GBP2: variants seen among roughly 807,000 people sequenced by gnomAD.
GBP2 encodes the protein guanylate binding protein 2.
GBP2 carries 54 observed loss-of-function variants against 60.8 expected under a neutral mutation model. That is an observed-to-expected ratio of 0.89 (90% CI 0.71 to 1.11). The LOEUF (loss-of-function observed/expected upper bound fraction) is 1.11. Among genes scored for constraint, GBP2 ranks in the 50% most tolerant of loss-of-function variants. The pLI is 0.00. For synonymous variants in GBP2, 243 were observed against 256.5 expected (o/e 0.95, Z 0.50); for missense variants, 665 against 703.3 (o/e 0.95, Z 0.62).
At chr1:89,110,533 C>T (rs1175638821) in intron 8 of GBP2, among the ~76,000 whole-genome samples, 2 of 152,078 alleles carry the variant, frequency 1.3e-5, no homozygotes, top group African/African-American at 4.8e-5. Flanking sequence ...ACTACTCAGC[C>T]ATAAAAAGGA....
chr1:89,122,696 C>T (rs1266922382), intron 1 of GBP2, among the ~76,000 whole-genome samples: 3 of 152,112 alleles, frequency 2.0e-5, no homozygotes, highest in East Asian at 1.9e-4. Flanking sequence ...TTCTCTACCA[C>T]AAAGTGTTAT....
At position 89,115,587 on chromosome 1, in the gene GBP2, C is replaced by T. The variant is rs564368627; in HGVS notation, c.869-1291G>A. 5.3e-5 allele frequency among the ~76,000 whole-genome samples: 8 copies of T among 152,134 alleles called. No homozygotes were observed. In the East Asian group the frequency reaches 1.4e-3, roughly 26 times the overall value. On this transcript the variant is annotated intron_variant, in intron 6 of 10. Coordinates refer to ENST00000370466, the MANE Select transcript of GBP2 (RefSeq NM_004120.5). Reference sequence around the variant, plus strand: ...TTCAGTCTTCTCTTGTTCCAATCGCCTGTCTTTCTTCTATTTTCGTTTAAA... The same window carrying T: ...TTCAGTCTTCTCTTGTTCCAATCGCTTGTCTTTCTTCTATTTTCGTTTAAA...
rs957587148 is a variant in GBP2 at position 89,106,258 on chromosome 1, T to G, written c.*1917A>C. Reference sequence around the variant, plus strand: ...GGGGAATTGTAAGAAAGAATAAAGTTGCTTTTTGCTTTCACAGAACTAGAT... The same window carrying G: ...GGGGAATTGTAAGAAAGAATAAAGTGGCTTTTTGCTTTCACAGAACTAGAT... On this transcript the variant is annotated 3_prime_UTR_variant, in exon 11 of 11. Transcript: ENST00000370466. The G allele has an allele frequency of 1.3e-5, 2 of 152,216 alleles. No individual in the cohort carries two copies. The highest frequency in any genetic ancestry group is 1.3e-4 in the Admixed American group (2 of 15,282). The allele number at this position is 152,216 out of a possible 1,614,324, so 9.4% of individuals were successfully genotyped here.
chr1:89,121,056 T>C, intron 3 of GBP2, 87 bp downstream of exon 3: 3 of 952,344 alleles, frequency 3.2e-6, no homozygotes, highest in Non-Finnish European at 3.2e-6. Flanking sequence ...GTAGGAGTGA[T>C]TGTGCAAAGA....
Position 89,108,120 on chromosome 1 carries a change from C to T in GBP2, c.*55G>A. ...GTTTGACACTCTGAAGTTGCTCATT[C>T]ATGTTGTTTCTTGGGGAGAGGGAGC... is the stretch of plus-strand genomic sequence containing the variant. On this transcript the variant is annotated 3_prime_UTR_variant, in exon 11 of 11. Coordinates refer to ENST00000370466, the MANE Select transcript of GBP2 (RefSeq NM_004120.5). The T allele has an allele frequency of 1.1e-6, 1 of 900,362 alleles. No homozygotes were observed. Among genetic ancestry groups the T allele is most frequent in the Non-Finnish European group, 1.8e-6 (1 of 551,952 alleles). 55.8% of individuals were successfully genotyped at this position (900,362 alleles called of 1,614,324 possible).
chr1:89,115,357 C>A (rs1009335629), intron 6 of GBP2, among the ~76,000 whole-genome samples: 3 of 152,116 alleles, frequency 2.0e-5, no homozygotes, highest in Non-Finnish European at 4.4e-5. Flanking sequence ...TCCTCTCATT[C>A]CCTCCCTTTC....
In GBP2 at chr1:89,117,016, C is replaced by T; in HGVS notation, c.844G>A (p.Gly282Ser). ...LSHSNVKTLS[G>S]GIPVNGPRLE... is the part of the protein sequence containing the mutation. ...CGAGGCCCATTGACTGGAATGCCAC[C>T]TGAAAGAGTCTTGACATTGGAATGG... Residue 282 changes from glycine (G) to serine (S), a missense_variant, in exon 6 of 11, where the codon GGT becomes AGT. Gly to Ser is a moderately conservative substitution (Grantham distance 56). Transcript: ENST00000370466. 1 of 1,613,926 alleles carries T rather than the reference C, an allele frequency of 6.2e-7. No homozygotes were observed. The highest frequency in any genetic ancestry group is 8.5e-7 in the Non-Finnish European group (1 of 1,179,896).
chr1:89,114,379 A>G lies in GBP2; in HGVS notation c.869-83T>C, dbSNP rs569754654. ...GTGTGCTTTTCAAGTGAGTGTCACA[A>G]ATAATACTTTTAAATAAGTTTTGGA... On this transcript the variant is annotated intron_variant, in intron 6 of 10. Transcript: ENST00000370466. The G allele has an allele frequency of 2.1e-5, 31 of 1,454,266 alleles. No individual in the cohort carries two copies. In the African/African-American group the frequency reaches 4.0e-4, roughly 19 times the overall value. 90.1% of individuals were successfully genotyped at this position (1,454,266 alleles called of 1,614,324 possible).
At chr1:89,110,650 T>C (rs1406571127) in intron 8 of GBP2, among the ~76,000 whole-genome samples, 1 of 152,076 alleles carries the variant, frequency 6.6e-6, no homozygotes, top group African/African-American at 2.4e-5. Flanking sequence ...CACACATAAA[T>C]TGGAGATAAG....
chr1:89,122,969 A>G (rs1681433693), intron 1 of GBP2, among the ~76,000 whole-genome samples: 1 of 152,138 alleles, frequency 6.6e-6, no homozygotes, highest in Admixed American at 6.5e-5. Context: ...TAGTTGTATC[A>G]GTGTAGATCT....
At chr1:89,122,710 C>T (rs1160263587) in intron 1 of GBP2, among the ~76,000 whole-genome samples, 4 of 152,088 alleles carry the variant, frequency 2.6e-5, no homozygotes, top group Non-Finnish European at 5.9e-5. Flanking sequence ...GTGTTATGTA[C>T]CATTTTGTCA....
At position 89,111,158 on chromosome 1, in the gene GBP2, A is replaced by G. The variant is rs191479814; in HGVS notation, c.1363-892T>C. Among the ~76,000 whole-genome samples, 360 of 152,366 alleles carry G rather than the reference A, an allele frequency of 2.4e-3. 1 individual carries two copies. The highest frequency in any genetic ancestry group is 7.9e-3 in the African/African-American group (330 of 41,584). On this transcript the variant is annotated intron_variant, in intron 8 of 10. Transcript: ENST00000370466. ...GGGTATAGGTGGAACATACCCCAAC[A>G]TAATAAAATCCATGTATGACAGACT...
chr1:89,117,556 C>A (rs753338590), intron 5 of GBP2, 21 bp downstream of exon 5: 2 of 1,592,272 alleles, frequency 1.3e-6, no homozygotes, highest in South Asian at 2.2e-5. Flanking sequence ...TATTACCCAA[C>A]CAAGCATCAG....
chr1:89,120,155 G>C (rs375418937), intron 4 of GBP2, 24 bp downstream of exon 4: 1 of 1,558,696 alleles, frequency 6.4e-7, no homozygotes, highest in Non-Finnish European at 8.9e-7. Context: ...GTTTACTGCT[G>C]TTCTGGACCA....
In GBP2 at chr1:89,112,691, A is replaced by G; in HGVS notation, c.1150-7T>C. The G allele has an allele frequency of 1.2e-6, 2 of 1,610,176 alleles. No homozygotes were observed. Among genetic ancestry groups the G allele is most frequent in the Non-Finnish European group, 1.7e-6 (2 of 1,176,406 alleles). On this transcript the variant is annotated splice_polypyrimidine_tract_variant and splice_region_variant and intron_variant, in intron 7 of 10. Coordinates refer to ENST00000370466, the MANE Select transcript of GBP2 (RefSeq NM_004120.5). ...GCCTTGCTTCCAACTGGGCCTGTGA[A>G]GTGACAAAACAGCACAGATGTTTCA...
At chr1:89,110,991 G>A (rs1681154579) in intron 8 of GBP2, among the ~76,000 whole-genome samples, 1 of 152,144 alleles carries the variant, frequency 6.6e-6, no homozygotes, top group South Asian at 2.1e-4. Flanking sequence ...GGGATGCAAG[G>A]ACGGCTCAAC....
At chr1:89,120,849 A>G (rs1166716014) in intron 3 of GBP2, among the ~76,000 whole-genome samples, 1 of 152,246 alleles carries the variant, frequency 6.6e-6, no homozygotes, top group Non-Finnish European at 1.5e-5. Flanking sequence ...ACTGAAGTTT[A>G]TAAGCACCTT....
At chr1:89,124,260 A>G (rs1182061607) in intron 1 of GBP2, among the ~76,000 whole-genome samples, 1 of 152,222 alleles carries the variant, frequency 6.6e-6, no homozygotes, top group Non-Finnish European at 1.5e-5. Flanking sequence ...GCATCCTATA[A>G]GTGAGATTGC....
chr1:89,121,795 G>C lies in GBP2; in HGVS notation c.172C>G (p.Leu58Val). ...RTGKSYLMNK[L>V]AGKKNGFSLG... Reference sequence around the variant, plus strand: ...CACTCACCGTTTTTCTTCCCAGCCAGCTTGTTCATCAGGTAGGATTTGCCT... The same window carrying C: ...CACTCACCGTTTTTCTTCCCAGCCACCTTGTTCATCAGGTAGGATTTGCCT... Residue 58 changes from leucine (L) to valine (V), a missense_variant, in exon 2 of 11, where the codon CTG (leucine) becomes GTG (valine). By Grantham distance (32) the Leu-to-Val change is conservative (BLOSUM62 1). Transcript: ENST00000370466. 2 of 1,613,888 alleles carry C rather than the reference G, an allele frequency of 1.2e-6. No homozygotes were observed. The highest frequency in any genetic ancestry group is 1.7e-6 in the Non-Finnish European group (2 of 1,179,866).
Sources: allele counts gnomAD v4.1 joint callset (sites outside exome capture counted in the v4.1 genomes callset), GRCh38; gene constraint gnomAD v4.1.1; transcripts MANE v1.5; gene names NCBI Gene and HGNC (gene_info 2026-07-23, HGNC 2026-07-21).